RABGAP1L: variants seen among roughly 807,000 people sequenced by gnomAD.
The protein encoded by RABGAP1L is RAB GTPase activating protein 1 like, also known as rab GTPase-activating protein 1-like.
A neutral mutation model predicts 137.7 loss-of-function variants in RABGAP1L; 63 were observed. The observed-to-expected ratio is 0.46, with a 90% CI of 0.37 to 0.56. RABGAP1L has a LOEUF of 0.56. Among genes scored for constraint, RABGAP1L ranks in the 20% least tolerant of loss-of-function variants. The pLI is 0.00. For missense variants in RABGAP1L, 1,095 were observed against 1,244.0 expected (o/e 0.88, Z 1.80); for synonymous variants, 431 against 433.7 (o/e 0.99, Z 0.08).
chr1:174,393,819 T>TA (rs1210748286), intron 12 of RABGAP1L, among the ~76,000 whole-genome samples, 176 bp from the exon 13 acceptor site: 2 of 152,124 alleles, frequency 1.3e-5, no homozygotes, highest in Admixed American at 6.6e-5. Flanking sequence ...ATGAGATCAA[T>TA]AAAAAAATTG....
At chr1:174,519,177 C>T (rs1420689144) in intron 13 of RABGAP1L, among the ~76,000 whole-genome samples, 1 of 150,558 alleles carries the variant, frequency 6.6e-6, no homozygotes, top group African/African-American at 2.4e-5. Context: ...TATAAACTCC[C>T]ATGTGTAAAT....
At chr1:174,856,385 A>G (rs1038107363) in intron 19 of RABGAP1L, among the ~76,000 whole-genome samples, 5 of 142,450 alleles carry the variant, frequency 3.5e-5, no homozygotes, top group African/African-American at 1.4e-4. Flanking sequence ...ACAGAACAAG[A>G]CTCCCTCTCA....
At chr1:174,223,805 G>A (rs753654866) in intron 3 of RABGAP1L, among the ~76,000 whole-genome samples, 2 of 152,136 alleles carry the variant, frequency 1.3e-5, no homozygotes, top group African/African-American at 2.4e-5. Context: ...AGAATATTAT[G>A]TATTAAGATA....
At chr1:174,557,717 G>C (rs534749536) in intron 13 of RABGAP1L, among the ~76,000 whole-genome samples, 3 of 152,218 alleles carry the variant, frequency 2.0e-5, no homozygotes. Flanking sequence ...AGCCTCTGGA[G>C]ACTAAACTGC....
chr1:174,615,308 CT>C (rs1207403571), intron 13 of RABGAP1L, among the ~76,000 whole-genome samples: 2 of 152,196 alleles, frequency 1.3e-5, no homozygotes, highest in Non-Finnish European at 2.9e-5. Flanking sequence ...GGACCCTCAG[CT>C]GCAGGTCTTT....
At chr1:174,732,067 T>C (rs1032268542) in intron 17 of RABGAP1L, among the ~76,000 whole-genome samples, 1 of 152,138 alleles carries the variant, frequency 6.6e-6, no homozygotes, top group East Asian at 1.9e-4. Flanking sequence ...CTGGGTGTTG[T>C]GGCGCGTGCC....
chr1:174,705,705 G>A (rs1167200195), intron 17 of RABGAP1L: 6 of 151,990 alleles, frequency 3.9e-5, no homozygotes, highest in Non-Finnish European at 7.4e-5. Flanking sequence ...TCTTTGTCAA[G>A]AATTATTTTA....
chr1:174,871,651 G>A lies in RABGAP1L; in HGVS notation c.2340+59691G>A, dbSNP rs74126890. Among the ~76,000 whole-genome samples the A allele has an allele frequency of 1.5e-3, 226 of 152,284 alleles. 1 individual carries two copies. Among genetic ancestry groups the A allele is most frequent in the African/African-American group, 5.4e-3 (224 of 41,558 alleles). Reference sequence around the variant, plus strand: ...GGCACTTGCATGAAATCCTATTGCTGTTCCCTAAACCTACCCTCTGATCTT... The same window carrying A: ...GGCACTTGCATGAAATCCTATTGCTATTCCCTAAACCTACCCTCTGATCTT... On this transcript the variant is annotated intron_variant, in intron 19 of 25. Coordinates refer to ENST00000681986, the MANE Select transcript of RABGAP1L (RefSeq NM_001366446.1).
intron 17 of RABGAP1L, among the ~76,000 whole-genome samples, chr1:174,730,436 C>T (rs140598486): frequency 2.0e-5 from 3 of 152,216 alleles, no homozygotes; most frequent in South Asian, 2.1e-4. Flanking sequence ...GCCATGTAAC[C>T]GACCTGCATA....
chr1:174,426,865 G>A lies in RABGAP1L; in HGVS notation c.1710+32720G>A, dbSNP rs545829269. 1.1e-4 allele frequency among the ~76,000 whole-genome samples: 17 copies of A among 152,074 alleles called. 1 individual carries two copies. The South Asian group carries it at 2.9e-3, about 26-fold the overall frequency. ...TTGCTGTGAGTCTATTTTATGCTGC[G>A]TGTGTACCTAGTTATTTCAGCATCT... On this transcript the variant is annotated intron_variant, in intron 13 of 25. Transcript: ENST00000681986.
chr1:174,434,780 T>C (rs1487659200), intron 13 of RABGAP1L, among the ~76,000 whole-genome samples: 2 of 152,286 alleles, frequency 1.3e-5, no homozygotes, highest in African/African-American at 4.8e-5. Flanking sequence ...TTTGTATATC[T>C]TCTTTTGTGA....
intron 13 of RABGAP1L, among the ~76,000 whole-genome samples, chr1:174,611,052 T>G (rs1400862434): frequency 4.7e-5 from 7 of 150,032 alleles, no homozygotes; most frequent in Non-Finnish European, 7.4e-5. Context: ...AGAAGCTCTT[T>G]AGTTTAATTA....
At chr1:174,222,636 A>C (rs542194982) in intron 3 of RABGAP1L, among the ~76,000 whole-genome samples, 1 of 152,340 alleles carries the variant, frequency 6.6e-6, no homozygotes, top group African/African-American at 2.4e-5. Flanking sequence ...TTTATGCTGA[A>C]ATTTAAAATG....
At chr1:174,327,972 TATATATACACAC>T (rs1394971088) in intron 11 of RABGAP1L, among the ~76,000 whole-genome samples, 1,154 of 18,716 alleles carry the variant, frequency 0.062, 71 homozygotes, top group African/African-American at 0.2. Flanking sequence ...TATATATATA[TATATATACACAC>T]ACATATATAT....
intron 12 of RABGAP1L, among the ~76,000 whole-genome samples, chr1:174,376,701 A>G (rs541328202): frequency 1.3e-5 from 2 of 152,318 alleles, no homozygotes; most frequent in African/African-American, 2.4e-5. Flanking sequence ...CTAGGAATAC[A>G]AGGGACCTTT....
At chr1:174,927,090 G>T (rs1662969238) in intron 19 of RABGAP1L, among the ~76,000 whole-genome samples, 1 of 151,584 alleles carries the variant, frequency 6.6e-6, no homozygotes, top group Non-Finnish European at 1.5e-5. Context: ...AAAAAAAGTG[G>T]GGGGGCCATG....
intron 21 of RABGAP1L, among the ~76,000 whole-genome samples, chr1:174,975,131 A>G (rs754740240): frequency 6.6e-6 from 1 of 152,264 alleles, no homozygotes; most frequent in Non-Finnish European, 1.5e-5. Flanking sequence ...GGGAGCACCT[A>G]TTCTGTACTT....
chr1:174,251,090 C>T (rs376816686), intron 6 of RABGAP1L, among the ~76,000 whole-genome samples: 4 of 152,146 alleles, frequency 2.6e-5, no homozygotes, highest in East Asian at 1.9e-4. Flanking sequence ...TGTGAGCCAC[C>T]GCGCTTGGTC....
At chr1:174,890,081 T>A (rs530904084) in intron 19 of RABGAP1L, among the ~76,000 whole-genome samples, 1 of 152,280 alleles carries the variant, frequency 6.6e-6, no homozygotes, top group East Asian at 1.9e-4. Flanking sequence ...AACAAAAAAA[T>A]GCAGTGATTA....
Sources: allele counts gnomAD v4.1 joint callset (sites outside exome capture counted in the v4.1 genomes callset), GRCh38; gene constraint gnomAD v4.1.1; transcripts MANE v1.5; gene names NCBI Gene and HGNC (gene_info 2026-07-23, HGNC 2026-07-21).